Variants in CPNE8 observed in about 807,000 individuals in gnomAD.
CPNE8 encodes the protein copine-8.
A neutral mutation model predicts 81.5 loss-of-function variants in CPNE8; 45 were observed. The observed-to-expected ratio is 0.55, with a 90% CI of 0.44 to 0.71. The LOEUF (loss-of-function observed/expected upper bound fraction) is 0.71. Ranked by LOEUF, CPNE8 falls within the 30% of genes least tolerant of loss-of-function variation. CPNE8 has a pLI of 0.00. For synonymous variants in CPNE8, 252 were observed against 226.3 expected (o/e 1.11, Z -1.02); for missense variants, 594 against 672.1 (o/e 0.88, Z 1.28).
intron 19 of CPNE8, among the ~76,000 whole-genome samples, chr12:38,656,838 A>C (rs2136629934): frequency 6.6e-6 from 1 of 152,260 alleles, no homozygotes; most frequent in Admixed American, 6.5e-5. Context: ...CTGTGCACAG[A>C]CCAGAGAATA....
intron 13 of CPNE8, among the ~76,000 whole-genome samples, chr12:38,706,872 G>A (rs887468808): frequency 6.6e-6 from 1 of 152,146 alleles, no homozygotes; most frequent in Non-Finnish European, 1.5e-5. Context: ...CAGCATAACC[G>A]TCAGCTTCCT....
chr12:38,765,715 G>C (rs1941673846), intron 8 of CPNE8, among the ~76,000 whole-genome samples: 1 of 152,068 alleles, frequency 6.6e-6, no homozygotes. Context: ...GGCAAACTAG[G>C]TTTCTGTGTG....
chr12:38,896,809 C>A (rs1944394749), intron 1 of CPNE8, among the ~76,000 whole-genome samples: 1 of 152,056 alleles, frequency 6.6e-6, no homozygotes, highest in Non-Finnish European at 1.5e-5. Context: ...ATCACTGTCA[C>A]CTTGGTTCTA....
At position 38,775,966 on chromosome 12, in the gene CPNE8, A is replaced by G. The variant is rs561284130; in HGVS notation, c.471+272T>C. On this transcript the variant is annotated intron_variant, in intron 7 of 19. Transcript: ENST00000331366. ...ATTGGTATAACTGACTATTCCTTAT[A>G]CTAATGCTTAAAAAGCAGTATTGAT... is the stretch of plus-strand genomic sequence containing the variant. 3.3e-5 allele frequency among the ~76,000 whole-genome samples: 5 copies of G among 152,306 alleles called. No individual in the cohort carries two copies. In the East Asian group the frequency reaches 9.6e-4, roughly 29 times the overall value.
In CPNE8 at chr12:38,693,858, T is replaced by C. The variant is rs200401971; in HGVS notation, c.962-20A>G. Reference sequence around the variant, plus strand: ...GGTTGCCTGATGACAGAACACATATTTCAAACATAAGCAATTAGGGTAAAT... The same window carrying C: ...GGTTGCCTGATGACAGAACACATATCTCAAACATAAGCAATTAGGGTAAAT... On this transcript the variant is annotated intron_variant, in intron 14 of 19. Coordinates refer to ENST00000331366, the MANE Select transcript of CPNE8 (RefSeq NM_153634.3). 9.6e-5 allele frequency: 150 copies of C among 1,556,660 alleles called. No individual in the cohort carries two copies. Among genetic ancestry groups the C allele is most frequent in the Non-Finnish European group, 1.3e-4 (147 of 1,154,056 alleles).
intron 10 of CPNE8, among the ~76,000 whole-genome samples, chr12:38,734,847 G>A (rs1482451537): frequency 1.2e-4 from 19 of 152,076 alleles, no homozygotes; most frequent in Admixed American, 1.2e-3. Flanking sequence ...TTGTAAAGAA[G>A]TAATAGGCTT....
chr12:38,766,950 A>T (rs1592071485), intron 8 of CPNE8, among the ~76,000 whole-genome samples: 1 of 152,238 alleles, frequency 6.6e-6, no homozygotes, highest in East Asian at 1.9e-4. Context: ...AATCTCACAT[A>T]CATTAAAAAC....
chr12:38,898,280 GAAC>G (rs1017951857), intron 1 of CPNE8, among the ~76,000 whole-genome samples: 52 of 152,116 alleles, frequency 3.4e-4, no homozygotes, highest in African/African-American at 1.3e-3. Context: ...AATACTGGTG[GAAC>G]AACAATGTTA....
chr12:38,667,960 G>A (rs1939095788), intron 19 of CPNE8, among the ~76,000 whole-genome samples: 2 of 151,990 alleles, frequency 1.3e-5, no homozygotes, highest in South Asian at 4.2e-4. Context: ...ACCACACGCT[G>A]GTAATTTTTT....
chr12:38,676,159 C>A (rs889550145), intron 17 of CPNE8: 34 of 488,996 alleles, frequency 7.0e-5, no homozygotes, highest in African/African-American at 6.1e-4. Context: ...AATTAAGAAG[C>A]AAATATAACC....
At position 38,677,506 on chromosome 12, in the gene CPNE8, A is replaced by G; in HGVS notation, c.1320T>C (p.Ile440=). 1.2e-6 allele frequency: 2 copies of G among 1,612,818 alleles called. No homozygotes were observed. Among genetic ancestry groups the G allele is most frequent in the Non-Finnish European group, 1.7e-6 (2 of 1,179,104 alleles). ...KDGSQYFVLL[I]VTDGVISDMA... The stretch of plus-strand genomic sequence containing the variant: ...TATCTGAGATAACACCATCTGTAAC[A>G]ATCAGAAGCACAAAATACTGGGAGC... Residue 440 remains isoleucine (I), a synonymous_variant, in exon 17 of 20, where the codon ATT becomes ATC. Coordinates refer to ENST00000331366, the MANE Select transcript of CPNE8 (RefSeq NM_153634.3).
At chr12:38,858,781 T>A (rs1943785518) in intron 3 of CPNE8, among the ~76,000 whole-genome samples, 2 of 152,194 alleles carry the variant, frequency 1.3e-5, no homozygotes, top group Non-Finnish European at 2.9e-5. Context: ...AAATGAGATT[T>A]TTTTTCCTGT....
intron 6 of CPNE8, among the ~76,000 whole-genome samples, chr12:38,815,894 G>A (rs1244332291): frequency 1.3e-5 from 2 of 152,028 alleles, no homozygotes; most frequent in Admixed American, 1.3e-4. Flanking sequence ...CTCAACCTCT[G>A]GAGATTCAGA....
intron 19 of CPNE8, among the ~76,000 whole-genome samples, chr12:38,658,106 T>C (rs2136631276): frequency 6.6e-6 from 1 of 152,158 alleles, no homozygotes; most frequent in Non-Finnish European, 1.5e-5. Context: ...TTCTCCGAGT[T>C]AAAAAAGCAT....
chr12:38,798,374 A>G (rs1337126946), intron 6 of CPNE8, among the ~76,000 whole-genome samples: 3 of 152,204 alleles, frequency 2.0e-5, no homozygotes, highest in Non-Finnish European at 2.9e-5. Flanking sequence ...TACAAGCCAG[A>G]AGACAGTGGG....
At chr12:38,719,837 CTT>C (rs779626418) in intron 13 of CPNE8, among the ~76,000 whole-genome samples, 53 of 152,136 alleles carry the variant, frequency 3.5e-4, no homozygotes, top group East Asian at 3.3e-3. Flanking sequence ...TATAATATGT[CTT>C]TGTATAAAAA....
At chr12:38,722,437 A>G (rs1592038200) in intron 13 of CPNE8, among the ~76,000 whole-genome samples, 1 of 152,154 alleles carries the variant, frequency 6.6e-6, no homozygotes, top group African/African-American at 2.4e-5. Flanking sequence ...AAGAGCAACA[A>G]GAGGCAAGCT....
Position 38,848,591 on chromosome 12 carries a change from A to T in CPNE8, c.258T>A (p.Phe86Leu). 1 of 1,589,956 alleles carries T rather than the reference A, an allele frequency of 6.3e-7. No individual in the cohort carries two copies. The highest frequency in any genetic ancestry group is 1.2e-5 in the South Asian group (1 of 85,748). Residue 86 changes from phenylalanine (F) to leucine (L), a missense_variant, in exon 4 of 20, where the codon TTT becomes TTA. Phe to Leu is a conservative substitution (Grantham distance 22, BLOSUM62 0). Coordinates refer to ENST00000331366, the MANE Select transcript of CPNE8 (RefSeq NM_153634.3). ...AACGAAGATTCTCTCTTTCTTCAAAAAAGTAGTCCAGAATAAACTTTCTTA... is the reference window on the plus strand; with the variant it reads ...AACGAAGATTCTCTCTTTCTTCAAATAAGTAGTCCAGAATAAACTTTCTTA... The part of the protein sequence containing the change: ...DFVRKFILDY[F>L]FEERENLRFD...
intron 6 of CPNE8, among the ~76,000 whole-genome samples, chr12:38,818,166 G>C (rs1943057887): frequency 6.6e-6 from 1 of 152,000 alleles, no homozygotes; most frequent in Non-Finnish European, 1.5e-5. Context: ...TTCAGTTCTG[G>C]GATGCATGTG....
Sources: gnomAD v4.1 joint callset for allele counts (sites outside exome capture counted in the v4.1 genomes callset) on GRCh38, gnomAD v4.1.1 for gene constraint, MANE v1.5 for transcripts, NCBI Gene and HGNC (gene_info 2026-07-23, HGNC 2026-07-21) for gene names.